Variants in PRH1 observed in about 807,000 individuals in gnomAD.
PRH1 encodes salivary acidic proline-rich phosphoprotein 1/2.
PRH1 carries 7 observed loss-of-function variants against 7.9 expected under a neutral mutation model. That is an observed-to-expected ratio of 0.89 (90% CI 0.50 to 1.67). PRH1 has a LOEUF of 1.67. Among genes scored for constraint, PRH1 ranks in the 40% most tolerant of loss-of-function variants. The probability of loss-of-function intolerance (pLI) is 0.00; values close to 1 mark genes in which losing one functional copy is unlikely to be tolerated. For synonymous variants in PRH1, 45 were observed against 80.8 expected, an observed-to-expected ratio of 0.56 and a Z score of 2.38; for missense variants, 109 against 223.6, an observed-to-expected ratio of 0.49 and a Z score of 3.27.
chr12:11,131,522 T>A (rs377614070), intron 1 of PRH1, among the ~76,000 whole-genome samples: 2 of 128,376 alleles, frequency 1.6e-5, no homozygotes, highest in African/African-American at 2.6e-5. Flanking sequence ...CATTTTTATA[T>A]GATAATCAAC....
chr12:11,102,774 T>G (rs1161012511), intron 1 of PRH1, among the ~76,000 whole-genome samples: 2 of 151,688 alleles, frequency 1.3e-5, no homozygotes, highest in South Asian at 2.1e-4. Context: ...AAGGAGAAAA[T>G]TTTTACAATC....
In PRH1 at chr12:11,134,041, T is replaced by C; in HGVS notation, n.40-12861A>G. On this transcript the variant is annotated intron_variant and non_coding_transcript_variant, in intron 1 of 1. Coordinates refer to the PRH1 transcript ENST00000541175. The stretch of plus-strand genomic sequence containing the variant: ...TATAAAAAGCTGGATTCAACTGAGT[T>C]GCATACCAATGTAGTAATAACACCC... 1.9e-6 allele frequency: 3 copies of C among 1,614,138 alleles called. No homozygotes were observed. In the South Asian group the frequency reaches 3.3e-5, roughly 18 times the overall value.
chr12:10,946,543 A>T (rs530968798), intron 2 of PRH1, among the ~76,000 whole-genome samples: 63 of 152,174 alleles, frequency 4.1e-4, no homozygotes, highest in African/African-American at 1.4e-3. Context: ...TTTCTTCTTA[A>T]TTAGTCTACC....
chr12:11,038,190 T>C (rs1184516569), intron 1 of PRH1, among the ~76,000 whole-genome samples: 1 of 152,268 alleles, frequency 6.6e-6, no homozygotes, highest in African/African-American at 2.4e-5. Flanking sequence ...AAATATACTT[T>C]ATGTTTCTGC....
At chr12:11,123,827 A>C (rs1357900767) in intron 1 of PRH1, among the ~76,000 whole-genome samples, 1 of 152,158 alleles carries the variant, frequency 6.6e-6, no homozygotes, top group African/African-American at 2.4e-5. Context: ...CAATATTGAT[A>C]ATTCATTTTT....
intron 2 of PRH1, chr12:10,891,787 TGTGCAAGTAGTG>T (rs1233674078): frequency 2.0e-5 from 3 of 152,236 alleles, no homozygotes; most frequent in Non-Finnish European, 4.4e-5. Context: ...TGATGTTACA[TGTGCAAGTAGTG>T]GTGTCTATCA....
chr12:10,986,733 G>A (rs111901545), intron 1 of PRH1: 10 of 1,612,936 alleles, frequency 6.2e-6, no homozygotes, highest in Admixed American at 3.3e-5. Context: ...TTGGTCAGCT[G>A]AGGAGATCTT....
chr12:11,105,756 A>G (rs1305360644), intron 1 of PRH1, among the ~76,000 whole-genome samples: 1 of 152,168 alleles, frequency 6.6e-6, no homozygotes, highest in East Asian at 1.9e-4. Flanking sequence ...ATAACCTGGT[A>G]AAGGGAGCTT....
chr12:10,971,154 C>T (rs1271635284), intron 2 of PRH1, among the ~76,000 whole-genome samples: 9 of 152,234 alleles, frequency 5.9e-5, no homozygotes, highest in African/African-American at 2.2e-4. Context: ...TCCAGACACT[C>T]CCCATATATG....
chr12:10,894,047 T>C (rs1949612254), intron 2 of PRH1, among the ~76,000 whole-genome samples: 1 of 152,272 alleles, frequency 6.6e-6, no homozygotes, highest in Admixed American at 6.5e-5. Context: ...TTATTTTTCT[T>C]TCTTTACACA....
intron 1 of PRH1, among the ~76,000 whole-genome samples, chr12:10,994,435 G>GTCC (rs1197985183): frequency 6.6e-6 from 1 of 152,178 alleles, no homozygotes; most frequent in Non-Finnish European, 1.5e-5. Flanking sequence ...TTCTGAAAAA[G>GTCC]TCCTGGGAGC....
upstream of PRH1, chr12:11,049,103 C>T (rs764821895): frequency 3.3e-5 from 13 of 398,200 alleles, no homozygotes; most frequent in South Asian, 6.8e-5. Flanking sequence ...TGGACACCAC[C>T]AGAGCAGTGA....
chr12:11,171,069 A>G (rs1463886095), intron 1 of PRH1, among the ~76,000 whole-genome samples: 1 of 152,276 alleles, frequency 6.6e-6, no homozygotes, highest in Non-Finnish European at 1.5e-5. Context: ...AACTATCTGC[A>G]TGGATGTTCG....
chr12:10,899,304 C>T (rs771302280), intron 2 of PRH1, among the ~76,000 whole-genome samples: 6 of 152,156 alleles, frequency 3.9e-5, no homozygotes, highest in African/African-American at 9.6e-5. Flanking sequence ...GAGAAGGACA[C>T]GAGTTTTCAG....
intron 1 of PRH1, among the ~76,000 whole-genome samples, chr12:11,026,748 C>T (rs553944242): frequency 1.5e-3 from 227 of 152,284 alleles, no homozygotes; most frequent in African/African-American, 5.1e-3. Context: ...CTCACAAATG[C>T]TTTCCAGGAT....
At chr12:11,018,382 G>A (rs1293356219) in intron 1 of PRH1, among the ~76,000 whole-genome samples, 1 of 152,224 alleles carries the variant, frequency 6.6e-6, no homozygotes, top group Non-Finnish European at 1.5e-5. Flanking sequence ...CATCTGAGTG[G>A]CACAAGGAGG....
intron 2 of PRH1, among the ~76,000 whole-genome samples, chr12:10,940,921 A>G (rs1950389203): frequency 6.6e-6 from 1 of 152,212 alleles, no homozygotes; most frequent in Non-Finnish European, 1.5e-5. Context: ...AATAAAACCA[A>G]AATATCTTGG....
intron 1 of PRH1, among the ~76,000 whole-genome samples, chr12:11,127,228 G>C (rs899454952): frequency 2.0e-5 from 3 of 152,292 alleles, no homozygotes; most frequent in Admixed American, 6.5e-5. Context: ...TTTTCATACT[G>C]ATGTTGATGT....
At chr12:11,003,525 G>A (rs773057060) in intron 1 of PRH1, among the ~76,000 whole-genome samples, 15 of 151,226 alleles carry the variant, frequency 9.9e-5, no homozygotes, top group Non-Finnish European at 1.8e-4. Flanking sequence ...TATATGTTTC[G>A]CTTTACAGTT....
Sources: allele counts gnomAD v4.1 joint callset (sites outside exome capture counted in the v4.1 genomes callset), GRCh38; gene constraint gnomAD v4.1.1; transcripts MANE v1.5; gene names NCBI Gene and HGNC (gene_info 2026-07-23, HGNC 2026-07-21).